Variants in ZFAT observed in about 807,000 individuals in gnomAD.
ZFAT encodes the protein zinc finger and AT-hook domain containing.
In ZFAT, 64 loss-of-function variants were observed where a neutral mutation model predicts 117.7. The ratio of observed to expected loss-of-function variants is 0.54; its 90% CI spans 0.44 to 0.67. ZFAT has a LOEUF of 0.67. Ranked by LOEUF, ZFAT falls within the 30% of genes least tolerant of loss-of-function variation. The pLI, the probability that ZFAT is intolerant of heterozygous loss-of-function variation, is 0.00. For missense variants in ZFAT, 1,433 were observed against 1,584.5 expected (o/e 0.90, Z 1.62); for synonymous variants, 679 against 615.0 (o/e 1.10, Z -1.54).
At chr8:134,648,356 A>G (rs1220509749) in intron 2 of ZFAT, among the ~76,000 whole-genome samples, 2 of 151,986 alleles carry the variant, frequency 1.3e-5, no homozygotes, top group African/African-American at 4.8e-5. Context: ...ATAGAAAAAG[A>G]AAAGAGAAAA....
the ZFAT span, among the ~76,000 whole-genome samples, chr8:134,727,582 C>T: frequency 6.6e-6 from 1 of 152,164 alleles, no homozygotes; most frequent in Admixed American, 6.5e-5. Flanking sequence ...TAAAGTACCA[C>T]CTATTTTACA....
At chr8:134,535,017 T>C (rs1205417462) in intron 11 of ZFAT, among the ~76,000 whole-genome samples, 3 of 152,116 alleles carry the variant, frequency 2.0e-5, no homozygotes. Flanking sequence ...CCATCCTATC[T>C]CCTTAGGCTG....
At chr8:134,746,268 C>G in the ZFAT span, among the ~76,000 whole-genome samples, 1 of 152,340 alleles carries the variant, frequency 6.6e-6, no homozygotes, top group East Asian at 1.9e-4. Context: ...CCTCACATGA[C>G]TTGATTTCCT....
chr8:134,523,239 G>A (rs1247279743), intron 12 of ZFAT, among the ~76,000 whole-genome samples: 1 of 152,148 alleles, frequency 6.6e-6, no homozygotes, highest in Non-Finnish European at 1.5e-5. Context: ...CTGGGTGGCT[G>A]GGCCCTCCTA....
At chr8:134,786,690 T>C in the ZFAT span, among the ~76,000 whole-genome samples, 1 of 152,144 alleles carries the variant, frequency 6.6e-6, no homozygotes, top group African/African-American at 2.4e-5. Context: ...AAAAAACAGA[T>C]TGAGACTTAT....
the ZFAT span, among the ~76,000 whole-genome samples, chr8:134,756,104 T>C: frequency 1.3e-5 from 2 of 152,220 alleles, no homozygotes; most frequent in African/African-American, 4.8e-5. Context: ...CCTCTTTTCC[T>C]GGAAGCACAG....
chr8:134,710,558 GT>G (rs1417694954), intron 1 of ZFAT, among the ~76,000 whole-genome samples: 2 of 152,156 alleles, frequency 1.3e-5, no homozygotes, highest in Non-Finnish European at 2.9e-5. Flanking sequence ...ATAAACTACA[GT>G]TTCAGGATCC....
the ZFAT span, among the ~76,000 whole-genome samples, chr8:134,781,564 T>C: frequency 6.6e-6 from 1 of 152,050 alleles, no homozygotes; most frequent in Non-Finnish European, 1.5e-5. Context: ...ATAACCAAGA[T>C]TTTTTTATTT....
At chr8:134,797,098 C>G in the ZFAT span, 2 of 152,210 alleles carry the variant, frequency 1.3e-5, no homozygotes, top group South Asian at 2.1e-4. Context: ...CATACTTATA[C>G]CTTTACTTGA....
At chr8:134,515,827 CA>C (rs1820213852) in intron 13 of ZFAT, among the ~76,000 whole-genome samples, 1 of 152,140 alleles carries the variant, frequency 6.6e-6, no homozygotes, top group Admixed American at 6.6e-5. Context: ...TATTCTGAAG[CA>C]AATCCTGAAA....
At chr8:134,827,113 G>A in the ZFAT span, among the ~76,000 whole-genome samples, 1 of 152,066 alleles carries the variant, frequency 6.6e-6, no homozygotes, top group African/African-American at 2.4e-5. Flanking sequence ...GTGTAGTGGC[G>A]TGATCTCGGC....
At chr8:134,571,347 A>G (rs1183143039) in intron 10 of ZFAT, among the ~76,000 whole-genome samples, 1 of 152,252 alleles carries the variant, frequency 6.6e-6, no homozygotes, top group Non-Finnish European at 1.5e-5. Flanking sequence ...CGCATGAGGA[A>G]GAGGTGAACA....
At chr8:134,797,435 C>T in the ZFAT span, 1 of 152,016 alleles carries the variant, frequency 6.6e-6, no homozygotes, top group African/African-American at 2.4e-5. Context: ...AAACAAGTGG[C>T]AAAGGAAGTT....
chr8:134,548,394 A>C (rs1315644430), intron 11 of ZFAT, among the ~76,000 whole-genome samples: 1 of 152,170 alleles, frequency 6.6e-6, no homozygotes, highest in Non-Finnish European at 1.5e-5. Context: ...GGTGCAACCA[A>C]GCACGGAGAT....
chr8:134,560,815 A>G (rs1266511147), intron 11 of ZFAT, among the ~76,000 whole-genome samples: 1 of 152,228 alleles, frequency 6.6e-6, no homozygotes, highest in African/African-American at 2.4e-5. Context: ...AAAGAGTTGA[A>G]TAGCTAGATG....
the ZFAT span, among the ~76,000 whole-genome samples, chr8:134,769,264 T>C: frequency 2.0e-5 from 3 of 152,064 alleles, no homozygotes; most frequent in Non-Finnish European, 4.4e-5. Flanking sequence ...AAAATGAAAA[T>C]CAAGTTAGTT....
chr8:134,632,976 G>C (rs1332595875), intron 3 of ZFAT, among the ~76,000 whole-genome samples: 2 of 152,174 alleles, frequency 1.3e-5, no homozygotes, highest in Non-Finnish European at 2.9e-5. Flanking sequence ...CACAACCCAG[G>C]ATGAAAAGGA....
intron 1 of ZFAT, among the ~76,000 whole-genome samples, chr8:134,659,594 C>A (rs941712128): frequency 6.6e-6 from 1 of 152,134 alleles, no homozygotes; most frequent in Non-Finnish European, 1.5e-5. Context: ...CAGAACTCAC[C>A]CTCTCTGATG....
intron 10 of ZFAT, among the ~76,000 whole-genome samples, chr8:134,570,800 G>C (rs555451331): frequency 6.6e-6 from 1 of 152,292 alleles, no homozygotes; most frequent in Admixed American, 6.5e-5. Flanking sequence ...GGACTACAGT[G>C]GACAAGAGAC....
Sources: gnomAD v4.1 joint callset for allele counts (sites outside exome capture counted in the v4.1 genomes callset) on GRCh38, gnomAD v4.1.1 for gene constraint, MANE v1.5 for transcripts, NCBI Gene and HGNC (gene_info 2026-07-23, HGNC 2026-07-21) for gene names.